The following IL9R variants were observed in gnomAD, a reference collection of about 807,000 sequenced individuals.
IL9R encodes interleukin 9 receptor, also known as interleukin-9 receptor.
Under a neutral mutation model 56.3 loss-of-function variants are expected in IL9R, and 54 were observed. The ratio of observed to expected loss-of-function variants is 0.96; its 90% CI spans 0.77 to 1.20. The LOEUF is 1.20. Ranked by LOEUF, IL9R falls within the 50% of genes most tolerant of loss-of-function variation. The pLI is 0.00. For missense variants in IL9R, 545 were observed against 629.8 expected, an observed-to-expected ratio of 0.87 and a Z score of 1.44; for synonymous variants, 212 against 250.2, an observed-to-expected ratio of 0.85 and a Z score of 1.44.
At chrX:156,006,772 C>G (rs945439789) in intron 7 of IL9R, among the ~76,000 whole-genome samples, 19 of 151,706 alleles carry the variant, frequency 1.3e-4, no homozygotes, top group African/African-American at 3.6e-4. Context: ...GAGGGTGCTT[C>G]GCTTCTCCTT....
chrX:156,005,253 C>A, intron 5 of IL9R, 25 bp from the exon 6 acceptor site: 2 of 1,607,974 alleles, frequency 1.2e-6, no homozygotes, highest in Non-Finnish European at 1.7e-6. Context: ...CCTTCACCAC[C>A]TGCTAACTGT....
At chrX:156,000,800 G>A (rs368030680) in intron 1 of IL9R, among the ~76,000 whole-genome samples, 13 of 152,166 alleles carry the variant, frequency 8.5e-5, no homozygotes, top group East Asian at 7.7e-4. Flanking sequence ...CCTTCTGCTG[G>A]GGCATGTGCT....
intron 8 of IL9R, among the ~76,000 whole-genome samples, chrX:156,009,235 TCGTGTGG>T (rs2068274690): frequency 7.3e-4 from 4 of 5,500 alleles, no homozygotes; most frequent in South Asian, 7.4e-3. Context: ...CTGTGTGTGT[TCGTGTGG>T]TGTGTGTGTC....
chrX:156,000,820 C>T (rs2067470054), intron 1 of IL9R, among the ~76,000 whole-genome samples: 1 of 152,142 alleles, frequency 6.6e-6, no homozygotes, highest in South Asian at 2.1e-4. Flanking sequence ...TGAGTGGTGC[C>T]TCGCAGGCAC....
intron 1 of IL9R, among the ~76,000 whole-genome samples, chrX:156,000,837 C>T (rs766482169): frequency 3.9e-5 from 6 of 152,252 alleles, no homozygotes; most frequent in African/African-American, 9.6e-5. Context: ...GCACTGCCCT[C>T]GGGAAGTTCA....
Position 156,004,442 on chromosome X carries a change from C to T in IL9R, c.456C>T (p.Asp152=), listed in dbSNP as rs2067766299. The change falls in exon 5 of 9, where the codon GAC becomes GAT. Residue 152 remains aspartate, a synonymous_variant. Coordinates refer to ENST00000244174, the MANE Select transcript of IL9R (RefSeq NM_002186.3). ...CAGTTAAGCTGGACCCGCCCTCTGA[C>T]TTGCAGAGCAACATCAGTTCTGGCC... ...RRHVKLDPPS[D]LQSNISSGHC... 6 of 1,613,922 alleles carry T rather than the reference C, an allele frequency of 3.7e-6. No individual in the cohort carries two copies. Among genetic ancestry groups the T allele is most frequent in the Non-Finnish European group, 4.2e-6 (5 of 1,179,828 alleles).
intron 1 of IL9R, among the ~76,000 whole-genome samples, chrX:155,999,095 G>A (rs1446353396): frequency 6.6e-6 from 1 of 152,082 alleles, no homozygotes; most frequent in Non-Finnish European, 1.5e-5. Context: ...CAGCTAAGGA[G>A]GCCTACTAGG....
Position 156,005,383 on chromosome X carries a change from G to C in IL9R, c.685G>C (p.Ala229Pro). ...TGAGGCCAGGCTGCGTGTCCAGATG[G>C]CCACACTGGAGGATGATGTGGTAGA... Reference protein sequence around the residue: ...IHEARLRVQMATLEDDVVEEE... With the variant: ...IHEARLRVQMPTLEDDVVEEE... The change falls in exon 6 of 9, where the codon GCC becomes CCC. Residue 229 changes from alanine to proline, a missense_variant. Around this residue, in one of 2 missense-constraint regions of IL9R, gnomAD observed 431 missense variants for 360.0 expected, o/e 1.20. Transcript: ENST00000244174. The C allele has an allele frequency of 6.2e-7, 1 of 1,613,044 alleles. No homozygotes were observed. The highest frequency in any genetic ancestry group is 2.2e-5 in the East Asian group (1 of 44,882).
intron 1 of IL9R, among the ~76,000 whole-genome samples, chrX:156,001,768 C>T (rs1349511399): frequency 1.3e-5 from 2 of 152,116 alleles, no homozygotes; most frequent in African/African-American, 2.4e-5. Flanking sequence ...GGTGATAGGG[C>T]GTCAGCGGCC....
At chrX:156,004,843 C>A (rs1458832966) in intron 5 of IL9R, among the ~76,000 whole-genome samples, 1 of 151,844 alleles carries the variant, frequency 6.6e-6, no homozygotes, top group Admixed American at 6.6e-5. Flanking sequence ...ACTGTGCACA[C>A]TCATGTTTGT....
chrX:156,008,817 A>T, intron 8 of IL9R, among the ~76,000 whole-genome samples: 1 of 152,314 alleles, frequency 6.6e-6, no homozygotes, highest in South Asian at 2.1e-4. Context: ...TCTGCTGGCC[A>T]TAGCCGAGTG....
chrX:156,003,025 G>A lies in IL9R; in HGVS notation c.142+6G>A, dbSNP rs755771701. The A allele has an allele frequency of 1.2e-6, 2 of 1,613,844 alleles. No homozygotes were observed. Reference sequence around the variant, plus strand: ...TGTCACAGGGGAAGGACAAGGTGAGGGCTGGGCACTAATGTCTGTATGAGG... The same window carrying A: ...TGTCACAGGGGAAGGACAAGGTGAGAGCTGGGCACTAATGTCTGTATGAGG... On this transcript the variant is annotated splice_donor_region_variant and intron_variant, in intron 2 of 8. Transcript: ENST00000244174.
chrX:155,998,105 C>T (rs1188732839), intron 1 of IL9R, among the ~76,000 whole-genome samples: 9 of 152,082 alleles, frequency 5.9e-5, no homozygotes. Flanking sequence ...AGTGATTGAA[C>T]TGACCTTTGT....
At chrX:155,999,185 A>T (rs1156893488) in intron 1 of IL9R, among the ~76,000 whole-genome samples, 4 of 152,062 alleles carry the variant, frequency 2.6e-5, no homozygotes, top group African/African-American at 9.7e-5. Context: ...GAAGCAGAGC[A>T]GCAGGGGTCT....
chrX:156,000,491 G>A (rs889794545), intron 1 of IL9R, among the ~76,000 whole-genome samples: 1 of 152,186 alleles, frequency 6.6e-6, no homozygotes. Context: ...TATGTCCACA[G>A]ATCCAAGGCG....
Position 156,006,144 on chromosome X carries a change from C to T in IL9R, c.843C>T (p.Leu281=), listed in dbSNP as rs2067926686. The T allele has an allele frequency of 6.4e-7, 1 of 1,551,338 alleles. No homozygotes were observed. The highest frequency in any genetic ancestry group is 2.2e-5 in the East Asian group (1 of 44,598). Residue 281 remains leucine (L), a synonymous_variant, in exon 7 of 9, where the codon CTC becomes CTT. Transcript: ENST00000244174. ...GNTLVAVSIF[L]LLTGPTYLLF... is the part of the protein sequence containing the mutation. ...CCCTTGTTGCTGTGTCCATCTTTCT[C>T]CTGCTGACTGGCCCGACCTACCTCC...
In IL9R at chrX:156,006,066, G is replaced by C. The variant is rs3093511; in HGVS notation, c.782-17G>C. ...GCACTGAGGCTGCTCACAGCCCTGGGCCCTTCCTGTCCACAGGCCCTCTGA... is the reference window on the plus strand; with the variant it reads ...GCACTGAGGCTGCTCACAGCCCTGGCCCCTTCCTGTCCACAGGCCCTCTGA... On this transcript the variant is annotated splice_polypyrimidine_tract_variant and intron_variant, in intron 6 of 8. Coordinates refer to ENST00000244174, the MANE Select transcript of IL9R (RefSeq NM_002186.3). 1.8e-3 allele frequency: 2,781 copies of C among 1,529,148 alleles called. 46 individuals carry two copies. In the African/African-American group the frequency reaches 0.031, roughly 17 times the overall value. The allele number at this position is 1,529,148 out of a possible 1,614,324, so 94.7% of individuals were successfully genotyped here.
intron 2 of IL9R, among the ~76,000 whole-genome samples, chrX:156,003,246 G>A (rs141434452): frequency 9.2e-5 from 14 of 151,832 alleles, no homozygotes; most frequent in East Asian, 1.9e-4. Flanking sequence ...CTCTCTTGAC[G>A]CCTCTCCAGA....
intron 7 of IL9R, among the ~76,000 whole-genome samples, chrX:156,006,498 A>T (rs1009558690): frequency 6.6e-6 from 1 of 150,930 alleles, no homozygotes; most frequent in Non-Finnish European, 1.5e-5. Context: ...AGTCACCGAG[A>T]TCAAGAGCCG....
Sources: allele counts gnomAD v4.1 joint callset (sites outside exome capture counted in the v4.1 genomes callset), GRCh38; gene constraint gnomAD v4.1.1; regional missense constraint gnomAD v4.1.1; transcripts MANE v1.5; gene names NCBI Gene and HGNC (gene_info 2026-07-23, HGNC 2026-07-21).